SMAGP: variants seen among roughly 807,000 people sequenced by gnomAD.
SMAGP encodes the protein small cell adhesion glycoprotein.
A neutral mutation model predicts 10.1 loss-of-function variants in SMAGP; 7 were observed. The ratio of observed to expected loss-of-function variants is 0.70; its 90% CI spans 0.40 to 1.31. SMAGP has a LOEUF of 1.31. Ranked by LOEUF, SMAGP falls within the 50% of genes most tolerant of loss-of-function variation. The pLI is 0.01. For synonymous variants in SMAGP, 49 were observed against 47.2 expected (o/e 1.04, Z -0.16); for missense variants, 113 against 116.5 (o/e 0.97, Z 0.14).
At chr12:51,254,254 A>C (rs73307779) in intron 2 of SMAGP, among the ~76,000 whole-genome samples, 29 of 152,328 alleles carry the variant, frequency 1.9e-4, no homozygotes, top group African/African-American at 6.7e-4. Flanking sequence ...AAGACAGACA[A>C]TAAATAAAAT....
At chr12:51,248,919 A>C (rs1944810713) in intron 2 of SMAGP, among the ~76,000 whole-genome samples, 1 of 93,756 alleles carries the variant, frequency 1.1e-5, no homozygotes, top group Non-Finnish European at 2.6e-5. Context: ...AAAAAAAAAA[A>C]AAAAAAAAAA....
chr12:51,246,826 G>T lies in SMAGP; in HGVS notation c.40C>A (p.Leu14Met). Residue 14 changes from leucine to methionine, a missense_variant, in exon 3 of 4, where the codon CTG becomes ATG. Leu to Met is a conservative substitution (Grantham distance 15). Transcript: ENST00000603798. ...LLTTPSPREE[L>M]MTTPILQPTE... The stretch of plus-strand genomic sequence containing the variant: ...GGCTGTAAAATTGGGGTGGTCATCA[G>T]TTCTTCTGGAAAATGTAGAAAAGTG... 6.4e-7 allele frequency: 1 copy of T among 1,571,900 alleles called. No individual in the cohort carries two copies. Among genetic ancestry groups the T allele is most frequent in the Non-Finnish European group, 8.6e-7 (1 of 1,159,014 alleles).
intron 2 of SMAGP, among the ~76,000 whole-genome samples, chr12:51,266,437 T>C (rs1944974822): frequency 6.7e-6 from 1 of 149,394 alleles, no homozygotes; most frequent in Non-Finnish European, 1.5e-5. Context: ...AGTGCTTCCT[T>C]TAAGTGAAAA....
intron 2 of SMAGP, among the ~76,000 whole-genome samples, chr12:51,258,486 G>A (rs1944904744): frequency 6.6e-6 from 1 of 151,536 alleles, no homozygotes; most frequent in African/African-American, 2.4e-5. Context: ...GCTACTACTG[G>A]GAGGCTGAGG....
intron 2 of SMAGP, among the ~76,000 whole-genome samples, chr12:51,260,107 G>C (rs1402287341): frequency 6.6e-6 from 1 of 151,850 alleles, no homozygotes; most frequent in Admixed American, 6.6e-5. Context: ...TGTTATTTTA[G>C]GCACCAGCAA....
At chr12:51,270,102 C>T (rs1023567772) in intron 1 of SMAGP, 154 bp downstream of exon 1, 4 of 151,962 alleles carry the variant, frequency 2.6e-5, no homozygotes, top group African/African-American at 7.2e-5. Flanking sequence ...GCCGGTGCGT[C>T]GGGGAGCGGC....
At chr12:51,255,054 G>A (rs1421943135) in intron 2 of SMAGP, among the ~76,000 whole-genome samples, 1 of 151,968 alleles carries the variant, frequency 6.6e-6, no homozygotes, top group African/African-American at 2.4e-5. Flanking sequence ...ACTTATTTTT[G>A]AGACAGGGCC....
chr12:51,268,139 G>A (rs142180555), intron 2 of SMAGP, among the ~76,000 whole-genome samples: 1 of 152,230 alleles, frequency 6.6e-6, no homozygotes, highest in African/African-American at 2.4e-5. Context: ...CACCTTCAGG[G>A]AACAATGGGG....
At chr12:51,256,750 CACAA>C (rs1471164606) in intron 2 of SMAGP, among the ~76,000 whole-genome samples, 3 of 121,126 alleles carry the variant, frequency 2.5e-5, no homozygotes, top group Non-Finnish European at 5.5e-5. Flanking sequence ...ACAAAAAAAA[CACAA>C]ACAAACAAAA....
chr12:51,268,305 T>C, intron 2 of SMAGP, among the ~76,000 whole-genome samples: 1 of 152,102 alleles, frequency 6.6e-6, no homozygotes, highest in East Asian at 1.9e-4. Context: ...GTGTTTTATA[T>C]GGGTTGTCTC....
chr12:51,249,171 C>T (rs549198100), intron 2 of SMAGP, among the ~76,000 whole-genome samples: 20 of 152,006 alleles, frequency 1.3e-4, no homozygotes, highest in African/African-American at 4.3e-4. Flanking sequence ...GTGGAAGCTC[C>T]GCCCCCCTCC....
Position 51,246,604 on chromosome 12 carries a change from C to CTCTG in SMAGP, c.115+146_115+147insCAGA, listed in dbSNP as rs148976171. 166 of 338,216 alleles carry CTCTG rather than the reference C, an allele frequency of 4.9e-4. 1 individual carries two copies. The highest frequency in any genetic ancestry group is 3.2e-3 in the African/African-American group (137 of 43,062). The allele number at this position is 338,216 out of a possible 1,614,324, so 21.0% of individuals were successfully genotyped here. On this transcript the variant is annotated intron_variant, in intron 3 of 3. Coordinates refer to ENST00000603798, the MANE Select transcript of SMAGP (RefSeq NM_001031628.2). Reference sequence around the variant, plus strand: ...ACAGAAGCCTCCGAGTCTTTTATGGCTGTGTGTGTGTGTGTGTGTGTGTGT... The same window carrying CTCTG: ...ACAGAAGCCTCCGAGTCTTTTATGGCTCTGTGTGTGTGTGTGTGTGTGTGTGTGT...
intron 2 of SMAGP, among the ~76,000 whole-genome samples, chr12:51,261,782 G>A (rs1944934703): frequency 1.3e-5 from 2 of 152,120 alleles, no homozygotes; most frequent in South Asian, 4.1e-4. Context: ...TCTATCTGGA[G>A]AGGAATGATG....
chr12:51,269,663 A>G, intron 1 of SMAGP: 1 of 202,756 alleles, frequency 4.9e-6, no homozygotes, highest in South Asian at 8.2e-5. Flanking sequence ...GCGCGGTAAC[A>G]GGTACCCTAG....
In SMAGP at chr12:51,245,644, A is replaced by G; in HGVS notation, c.*297T>C. The G allele has an allele frequency of 3.1e-6, 1 of 321,618 alleles. No homozygotes were observed. 19.9% of individuals were successfully genotyped at this position (321,618 alleles called of 1,614,324 possible). ...ATCTTTTCTCTCCCTTCAACCTGTG[A>G]AAAAAGATGACTGGGCACATACTCA... On this transcript the variant is annotated 3_prime_UTR_variant, in exon 4 of 4. Transcript: ENST00000603798.
intron 2 of SMAGP, among the ~76,000 whole-genome samples, chr12:51,254,250 G>A (rs934777499): frequency 7.2e-5 from 11 of 152,124 alleles, no homozygotes; most frequent in African/African-American, 2.4e-4. Flanking sequence ...GGGGAAGACA[G>A]ACAATAAATA....
rs12305090 is a variant in SMAGP at position 51,261,182 on chromosome 12, G to A, written c.34+8063C>T. ...TCAATCTTGGCTCACTGCAACCTCC[G>A]CCTCCCAGGTTCAAGCGATTCTCCT... On this transcript the variant is annotated intron_variant, in intron 2 of 3. Coordinates refer to ENST00000603798, the MANE Select transcript of SMAGP (RefSeq NM_001031628.2). Among the ~76,000 whole-genome samples, 1,331 of 138,444 alleles carry A rather than the reference G, an allele frequency of 9.6e-3. 18 individuals are homozygous for A. The highest frequency in any genetic ancestry group is 0.033 in the African/African-American group (1,219 of 36,892). The allele number at this position is 138,444 out of a possible 152,430, so 90.8% of individuals were successfully genotyped here.
At chr12:51,254,021 A>G (rs1944865253) in intron 2 of SMAGP, among the ~76,000 whole-genome samples, 1 of 152,216 alleles carries the variant, frequency 6.6e-6, no homozygotes, top group South Asian at 2.1e-4. Context: ...GGAGAAGGGG[A>G]AAATGGGGAG....
intron 2 of SMAGP, among the ~76,000 whole-genome samples, chr12:51,253,944 T>TTA (rs1440020945): frequency 6.6e-6 from 1 of 152,182 alleles, no homozygotes; most frequent in Admixed American, 6.6e-5. Context: ...ATGATTCCAC[T>TTA]TATATGATGT....
Sources: allele counts gnomAD v4.1 joint callset (sites outside exome capture counted in the v4.1 genomes callset), GRCh38; gene constraint gnomAD v4.1.1; transcripts MANE v1.5; gene names NCBI Gene and HGNC (gene_info 2026-07-23, HGNC 2026-07-21).